Variants in NPAT observed in about 807,000 individuals in gnomAD.
The protein encoded by NPAT is nuclear protein, coactivator of histone transcription.
In NPAT, 52 loss-of-function variants were observed where a neutral mutation model predicts 130.7. That is an observed-to-expected ratio of 0.40 (90% CI 0.32 to 0.50). The LOEUF (loss-of-function observed/expected upper bound fraction) is 0.50, where lower values mean the gene tolerates loss of function less well. NPAT is among the 20% of genes least tolerant of loss of function. NPAT has a pLI of 0.68. For synonymous variants in NPAT, 580 were observed against 584.8 expected (o/e 0.99, Z 0.12); for missense variants, 1,687 against 1,662.6 (o/e 1.01, Z -0.26).
rs184846994 is a variant in NPAT, at chr11:108,181,572, T to C, written c.906+3660A>G. On this transcript the variant is annotated intron_variant, in intron 10 of 17. Transcript: ENST00000278612. ...TAGTAATTGTCAAGATCGTAAATTA[T>C]ATATTTTATTTTTACAATTAAAAAT... 1.3e-3 allele frequency among the ~76,000 whole-genome samples: 191 copies of C among 152,328 alleles called. 5 individuals are homozygous for C. In the South Asian group the frequency reaches 0.02, roughly 16 times the overall value.
intron 10 of NPAT, among the ~76,000 whole-genome samples, chr11:108,184,262 G>A (rs1194130912): frequency 6.6e-6 from 1 of 152,028 alleles, no homozygotes; most frequent in African/African-American, 2.4e-5. Context: ...ACGAGGTCAG[G>A]AGAGGGAGAC....
At chr11:108,180,950 T>C (rs1222348301) in intron 10 of NPAT, among the ~76,000 whole-genome samples, 7 of 152,220 alleles carry the variant, frequency 4.6e-5, no homozygotes, top group Non-Finnish European at 8.8e-5. Context: ...AAGTAAATGC[T>C]GTATGATTCT....
chr11:108,211,666 A>C (rs1475947351), intron 1 of NPAT, among the ~76,000 whole-genome samples: 1 of 152,256 alleles, frequency 6.6e-6, no homozygotes, highest in Admixed American at 6.5e-5. Context: ...TGGTTGAATA[A>C]AAATAAATCA....
In NPAT at chr11:108,172,461, T is replaced by C; in HGVS notation, c.2523A>G (p.Pro841=). ...DGIAFSANVT[P]CVSKDGGYIQ... ...TATATCCTCCATCCTTGGAAACACA[T>C]GGTGTAACATTAGCTGAAAAAGCAA... Residue 841 remains proline (P), a synonymous_variant, in exon 13 of 18, where the codon CCA becomes CCG. Coordinates refer to ENST00000278612, the MANE Select transcript of NPAT (RefSeq NM_002519.3). The C allele has an allele frequency of 6.2e-7, 1 of 1,614,142 alleles. No individual in the cohort carries two copies. Among genetic ancestry groups the C allele is most frequent in the Non-Finnish European group, 8.5e-7 (1 of 1,179,972 alleles).
At chr11:108,163,059 G>GATTT (rs3081748) in intron 15 of NPAT, among the ~76,000 whole-genome samples, 18,377 of 148,960 alleles carry the variant, frequency 0.12, 1,291 homozygotes, top group African/African-American at 0.18. Flanking sequence ...TCCTTTAAGA[G>GATTT]ATTTATTTAT....
At chr11:108,185,104 T>C (rs779713413) in intron 10 of NPAT, 128 bp downstream of exon 10, 1 of 734,008 alleles carries the variant, frequency 1.4e-6, no homozygotes, top group Non-Finnish European at 2.5e-6. Flanking sequence ...TTGTAAATCA[T>C]TTTATCTAAT....
chr11:108,160,332 G>A (rs2077834084), intron 17 of NPAT, among the ~76,000 whole-genome samples: 1 of 151,666 alleles, frequency 6.6e-6, no homozygotes, highest in African/African-American at 2.4e-5. Flanking sequence ...TCAAAAAAAT[G>A]GAAAAACATA....
At position 108,188,161 on chromosome 11, in the gene NPAT, A is replaced by T; in HGVS notation, c.575T>A (p.Val192Asp). 1 of 1,613,516 alleles carries T rather than the reference A, an allele frequency of 6.2e-7. No homozygotes were observed. The highest frequency in any genetic ancestry group is 2.2e-5 in the East Asian group (1 of 44,796). Residue 192 changes from valine (V) to aspartate (D), a missense_variant, in exon 7 of 18, where the codon GTC becomes GAC. Val to Asp is a radical substitution (Grantham distance 152). Around this residue, in one of 3 missense-constraint regions of NPAT, gnomAD observed 307 missense variants for 298.9 expected, o/e 1.03. Coordinates refer to ENST00000278612, the MANE Select transcript of NPAT (RefSeq NM_002519.3). Reference protein sequence around the residue: ...DTVTTGEALNVIPGAQEKKAH... With the variant: ...DTVTTGEALNDIPGAQEKKAH... ...TTTCTTTTCCTGAGCACCAGGAATGACATTTAAAGCTTCTCCAGCTGTATT... is the reference window on the plus strand; with the variant it reads ...TTTCTTTTCCTGAGCACCAGGAATGTCATTTAAAGCTTCTCCAGCTGTATT...
chr11:108,187,304 T>C lies in NPAT; in HGVS notation c.639-735A>G, dbSNP rs192072329. Among the ~76,000 whole-genome samples, 171 of 152,166 alleles carry C rather than the reference T, an allele frequency of 1.1e-3. 1 individual carries two copies. The highest frequency in any genetic ancestry group is 3.4e-3 in the African/African-American group (142 of 41,514). ...CCATCTCTACAAAAAATAAAAAAAT[T>C]AGCTGGGTGTGGCGGCATGTGCCTG... On this transcript the variant is annotated intron_variant, in intron 7 of 17. Transcript: ENST00000278612.
rs988423812 is a variant in NPAT, at chr11:108,189,344, G to T, written c.332-14C>A. The T allele has an allele frequency of 3.1e-6, 5 of 1,613,212 alleles. No individual in the cohort carries two copies. Among genetic ancestry groups the T allele is most frequent in the Non-Finnish European group, 4.2e-6 (5 of 1,179,184 alleles). ...TTCTCGTTCGGGCTGAAACATATAA[G>T]CATTTAAAAAACAAATTCAACGTCA... is the stretch of plus-strand genomic sequence containing the variant. On this transcript the variant is annotated splice_polypyrimidine_tract_variant and intron_variant, in intron 5 of 17. Coordinates refer to ENST00000278612, the MANE Select transcript of NPAT (RefSeq NM_002519.3).
intron 10 of NPAT, among the ~76,000 whole-genome samples, chr11:108,181,632 G>A (rs914595053): frequency 4.6e-5 from 7 of 151,940 alleles, no homozygotes; most frequent in African/African-American, 1.7e-4. Context: ...GCTTCAAAAT[G>A]GTAGGCACTT....
chr11:108,170,701 G>A (rs367588103), intron 13 of NPAT, among the ~76,000 whole-genome samples: 13 of 152,044 alleles, frequency 8.6e-5, no homozygotes, highest in African/African-American at 3.1e-4. Context: ...AACCTACTAC[G>A]GTCTCTCTGT....
chr11:108,185,379 G>A (rs968807614), intron 9 of NPAT, 24 bp downstream of exon 9: 34 of 1,573,224 alleles, frequency 2.2e-5, no homozygotes, highest in Non-Finnish European at 2.7e-5. Context: ...AAACAATTAG[G>A]CATTTTAAAC....
chr11:108,194,792 G>C (rs2078204238), intron 2 of NPAT, among the ~76,000 whole-genome samples: 1 of 151,898 alleles, frequency 6.6e-6, no homozygotes, highest in Admixed American at 6.6e-5. Flanking sequence ...TGGGATTAAA[G>C]GTGTGAGCCA....
Position 108,161,627 on chromosome 11 carries a change from T to G in NPAT, c.3459A>C (p.Thr1153=). 6.2e-7 allele frequency: 1 copy of G among 1,614,180 alleles called. No homozygotes were observed. Residue 1153 remains threonine, a synonymous_variant, in exon 17 of 18, where the codon ACA becomes ACC. Transcript: ENST00000278612. The part of the protein sequence containing the change: ...ETQSEKKVSP[T]EIVLESFHKA... The stretch of plus-strand genomic sequence containing the variant: ...TATGGAAAGATTCAAGCACAATTTC[T>G]GTTGGTGAAACTTTCTTTTCTGATT...
chr11:108,222,612 G>C lies in NPAT; in HGVS notation c.-76C>G, dbSNP rs1228695445. On this transcript the variant is annotated 5_prime_UTR_variant, in exon 1 of 18. Transcript: ENST00000278612. ...CAAACACAGCGACAGCTCCTGCGCC[G>C]CATCTCCTGGTTCCAGTGGCGGCAC... 2 of 1,516,794 alleles carry C rather than the reference G, an allele frequency of 1.3e-6. No homozygotes were observed. Among genetic ancestry groups the C allele is most frequent in the Non-Finnish European group, 9.1e-7 (1 of 1,099,548 alleles). 94.0% of individuals were successfully genotyped at this position (1,516,794 alleles called of 1,614,324 possible). A position where few individuals can be genotyped will look rare whatever the true frequency, so the allele number is the denominator to read the frequency against.
chr11:108,169,609 T>C, intron 15 of NPAT, 135 bp downstream of exon 15: 1 of 715,160 alleles, frequency 1.4e-6, no homozygotes, highest in South Asian at 1.6e-5. Context: ...CATTATGACA[T>C]CTGTTACTAG....
intron 8 of NPAT, among the ~76,000 whole-genome samples, chr11:108,185,873 C>T (rs763787668): frequency 2.6e-5 from 4 of 152,184 alleles, no homozygotes; most frequent in Non-Finnish European, 4.4e-5. Flanking sequence ...GCTGGGATTA[C>T]GGGCGTGTGC....
chr11:108,192,288 T>C (rs1398332994), intron 3 of NPAT, 98 bp from the exon 4 acceptor site: 18 of 807,674 alleles, frequency 2.2e-5, no homozygotes, highest in African/African-American at 6.8e-5. Context: ...CTCTCAATTA[T>C]TGACAGTATG....
Sources: gnomAD v4.1 joint callset for allele counts (sites outside exome capture counted in the v4.1 genomes callset) on GRCh38, gnomAD v4.1.1 for gene constraint, gnomAD v4.1.1 regional missense constraint, MANE v1.5 for transcripts, NCBI Gene and HGNC (gene_info 2026-07-23, HGNC 2026-07-21) for gene names.